The following PRPF39 variants were observed in gnomAD, a reference collection of about 807,000 sequenced individuals.
The protein encoded by PRPF39 is pre-mRNA-processing factor 39.
A neutral mutation model predicts 82.1 loss-of-function variants in PRPF39; 27 were observed. The observed-to-expected ratio is 0.33, with a 90% CI of 0.24 to 0.45. PRPF39 has a LOEUF of 0.45. Ranked by LOEUF, PRPF39 falls within the 20% of genes least tolerant of loss-of-function variation. The probability of loss-of-function intolerance (pLI) is 1.00; values close to 1 mark genes in which losing one functional copy is unlikely to be tolerated. For missense variants in PRPF39, 581 were observed against 796.9 expected, an observed-to-expected ratio of 0.73 and a Z score of 3.26; for synonymous variants, 261 against 256.4, an observed-to-expected ratio of 1.02 and a Z score of -0.17.
Position 45,109,789 on chromosome 14 carries a change from A to G in PRPF39, c.1176+9A>G. On this transcript the variant is annotated intron_variant, in intron 8 of 13. Transcript: ENST00000355765. ...AGGAGTTTTGGATTAAGGTAAGAAA[A>G]TCATGTGCTCTTAAACTTGAATATA... is the stretch of plus-strand genomic sequence containing the variant. The G allele has an allele frequency of 1.3e-6, 2 of 1,587,914 alleles. No individual in the cohort carries two copies. The highest frequency in any genetic ancestry group is 1.7e-6 in the Non-Finnish European group (2 of 1,167,132).
rs775256462 is a variant in PRPF39 at position 45,095,561 on chromosome 14, G to A, written c.322G>A (p.Glu108Lys). Residue 108 changes from glutamate (E) to lysine (K), a missense_variant and splice_region_variant, in exon 2 of 14, where the codon GAG (glutamate) becomes AAG (lysine). By Grantham distance (56) the Glu-to-Lys change is moderately conservative (BLOSUM62 1). Transcript: ENST00000355765. ...ATATTTGCTTCAATATGTAGAACAG[G>A]AGGTTAGTAACTATTAAAATGGTAT... ...WVYLLQYVEQ[E>K]NHLMAARKAF... 4.9e-5 allele frequency: 78 copies of A among 1,589,106 alleles called. No individual in the cohort carries two copies. The highest frequency in any genetic ancestry group is 2.4e-5 in the Non-Finnish European group (28 of 1,167,288).
At chr14:45,095,113 T>G (rs1884155911) in intron 1 of PRPF39, 108 bp from the exon 2 acceptor site, 1 of 639,730 alleles carries the variant, frequency 1.6e-6, no homozygotes, top group South Asian at 2.3e-5. Flanking sequence ...AAGACTCACA[T>G]TAATATTTCT....
At chr14:45,085,237 C>CAA (rs1883784875) in intron 1 of PRPF39, among the ~76,000 whole-genome samples, 1 of 152,006 alleles carries the variant, frequency 6.6e-6, no homozygotes, top group Admixed American at 6.6e-5. Context: ...TCTAGAGTTG[C>CAA]AAAAGTTGGA....
At chr14:45,102,371 T>C (rs961160554) in intron 4 of PRPF39, among the ~76,000 whole-genome samples, 158 bp from the exon 5 acceptor site, 1 of 152,244 alleles carries the variant, frequency 6.6e-6, no homozygotes, top group Non-Finnish European at 1.5e-5. Flanking sequence ...GCAGCTGTTG[T>C]ATGCTTTCTG....
intron 6 of PRPF39, among the ~76,000 whole-genome samples, chr14:45,108,171 AG>A (rs1002146666): frequency 2.0e-5 from 3 of 152,152 alleles, no homozygotes; most frequent in African/African-American, 7.2e-5. Flanking sequence ...TATTTTGCCT[AG>A]GTTGTGTATC....
At position 45,115,960 on chromosome 14, in the gene PRPF39, A is replaced by C. The variant is rs1190870189; in HGVS notation, c.*1047A>C. On this transcript the variant is annotated 3_prime_UTR_variant, in exon 14 of 14. Transcript: ENST00000355765. ...TAAGTTTACAACATGAGGTAAAAGG[A>C]AAAAGTTCTCCTTGACCAGTATTTT... The C allele has an allele frequency of 2.2e-6, 1 of 447,822 alleles. No individual in the cohort carries two copies. The highest frequency in any genetic ancestry group is 4.1e-6 in the Non-Finnish European group (1 of 244,738). 27.7% of individuals were successfully genotyped at this position (447,822 alleles called of 1,614,324 possible).
intron 4 of PRPF39, among the ~76,000 whole-genome samples, chr14:45,100,531 T>C (rs1230497367): frequency 1.3e-5 from 2 of 152,240 alleles, no homozygotes; most frequent in Non-Finnish European, 2.9e-5. Context: ...TATACCTTCT[T>C]CTAAACGTTC....
rs745542702 is a variant in PRPF39, at chr14:45,084,267, C to T, written c.-20+18C>T. On this transcript the variant is annotated intron_variant, in intron 1 of 13. Transcript: ENST00000355765. ...ATCATAAGGTCTGCTGGGGCGGGCT[C>T]CTTGAAATTAGCTGGGGCAGAGGGT... The T allele has an allele frequency of 1.3e-5, 2 of 152,792 alleles. No homozygotes were observed. The highest frequency in any genetic ancestry group is 4.8e-5 in the African/African-American group (2 of 41,438). 9.5% of individuals were successfully genotyped at this position (152,792 alleles called of 1,614,324 possible).
intron 1 of PRPF39, among the ~76,000 whole-genome samples, chr14:45,086,353 T>C (rs1022207203): frequency 6.6e-6 from 1 of 152,272 alleles, no homozygotes; most frequent in Non-Finnish European, 1.5e-5. Context: ...GTCATAATTA[T>C]ACTAAAAGTG....
chr14:45,098,037 T>C (rs762550352), intron 4 of PRPF39, among the ~76,000 whole-genome samples: 6 of 152,250 alleles, frequency 3.9e-5, no homozygotes, highest in Non-Finnish European at 7.3e-5. Flanking sequence ...ACTTACACTT[T>C]GTTTTCTCAT....
intron 5 of PRPF39, among the ~76,000 whole-genome samples, chr14:45,105,040 T>C (rs1260420199): frequency 6.6e-6 from 1 of 152,240 alleles, no homozygotes; most frequent in African/African-American, 2.4e-5. Context: ...TGAATTTATG[T>C]CTCTTATATC....
chr14:45,090,864 A>G (rs766618440), intron 1 of PRPF39, among the ~76,000 whole-genome samples: 3 of 152,100 alleles, frequency 2.0e-5, no homozygotes. Flanking sequence ...TCCATCAGGC[A>G]TTGAAAATTT....
chr14:45,091,294 C>T (rs1355872926), intron 1 of PRPF39, among the ~76,000 whole-genome samples: 1 of 152,144 alleles, frequency 6.6e-6, no homozygotes, highest in East Asian at 1.9e-4. Context: ...GCACACACCA[C>T]TGTGCCCAGC....
chr14:45,114,742 AT>A lies in PRPF39; in HGVS notation c.1954-111del. On this transcript the variant is annotated intron_variant, in intron 13 of 13. Transcript: ENST00000355765. ...CATTCTTTGGTGGTTAAGTACTAGAATTTTAGCAGTGAACACTTGCTTGTTT... is the reference window on the plus strand; with the variant it reads ...CATTCTTTGGTGGTTAAGTACTAGAATTTAGCAGTGAACACTTGCTTGTTT... 2 of 1,391,874 alleles carry A rather than the reference AT, an allele frequency of 1.4e-6. 1 individual carries two copies. Among genetic ancestry groups the A allele is most frequent in the South Asian group, 2.7e-5 (2 of 75,148 alleles). 86.2% of individuals were successfully genotyped at this position (1,391,874 alleles called of 1,614,324 possible).
chr14:45,088,594 G>A (rs1428014527), intron 1 of PRPF39, among the ~76,000 whole-genome samples: 1 of 152,186 alleles, frequency 6.6e-6, no homozygotes, highest in Non-Finnish European at 1.5e-5. Flanking sequence ...TACTATTCAT[G>A]TACATTTAGA....
At position 45,110,655 on chromosome 14, in the gene PRPF39, T is replaced by C. The variant is rs771168541; in HGVS notation, c.1410T>C (p.Asn470=). ...TAAGTTTAGAACGACGGCATGGAAA[T>C]CTGGAAGAAGCTGAACATTTGCTTC... ...RRVSLERRHG[N]LEEAEHLLQD... Residue 470 remains asparagine (N), a synonymous_variant, in exon 10 of 14, where the codon AAT becomes AAC. Transcript: ENST00000355765. This position sits in a 1 kb window ranked among gnomAD's most constrained non-coding sequence, Gnocchi z 4.0. 7 of 1,576,814 alleles carry C rather than the reference T, an allele frequency of 4.4e-6. No homozygotes were observed. In the South Asian group the frequency reaches 7.0e-5, roughly 16 times the overall value.
chr14:45,107,084 GAC>G (rs1318399281), intron 5 of PRPF39, among the ~76,000 whole-genome samples: 1 of 152,114 alleles, frequency 6.6e-6, no homozygotes, highest in Non-Finnish European at 1.5e-5. Context: ...TAGATTCTAT[GAC>G]ACACGAATAG....
At chr14:45,085,805 TG>T (rs1364651752) in intron 1 of PRPF39, among the ~76,000 whole-genome samples, 1 of 152,214 alleles carries the variant, frequency 6.6e-6, no homozygotes, top group African/African-American at 2.4e-5. Context: ...CAAAGCTACT[TG>T]TTTTGCTCTA....
At chr14:45,106,555 A>T (rs1476616640) in intron 5 of PRPF39, among the ~76,000 whole-genome samples, 1 of 152,138 alleles carries the variant, frequency 6.6e-6, no homozygotes, top group East Asian at 1.9e-4. Flanking sequence ...GTGAAATGAT[A>T]TTTTTTTCAA....
Sources: gnomAD v4.1 joint callset for allele counts (sites outside exome capture counted in the v4.1 genomes callset) on GRCh38, gnomAD v4.1.1 for gene constraint, Gnocchi (gnomAD v3.1) non-coding constraint, MANE v1.5 for transcripts, NCBI Gene and HGNC (gene_info 2026-07-23, HGNC 2026-07-21) for gene names.